The following FAM120B variants were observed in gnomAD, a reference collection of about 807,000 sequenced individuals.
FAM120B encodes constitutive coactivator of peroxisome proliferator-activated receptor gamma.
FAM120B carries 83 observed loss-of-function variants against 96.3 expected under a neutral mutation model. The ratio of observed to expected loss-of-function variants is 0.86; its 90% CI spans 0.72 to 1.03. The LOEUF is 1.03. FAM120B is among the 50% of genes least tolerant of loss of function. FAM120B has a pLI of 0.00. For missense variants in FAM120B, 1,027 were observed against 1,121.2 expected (o/e 0.92, Z 1.20); for synonymous variants, 407 against 402.7 (o/e 1.01, Z -0.13).
intron 8 of FAM120B, among the ~76,000 whole-genome samples, chr6:170,393,273 C>T (rs1038572849): frequency 2.0e-5 from 3 of 152,092 alleles, no homozygotes; most frequent in African/African-American, 7.2e-5. Context: ...CTGGACGCTG[C>T]TGCTTAGGTG....
chr6:170,398,190 T>A (rs1293658173), intron 9 of FAM120B, among the ~76,000 whole-genome samples: 1 of 152,266 alleles, frequency 6.6e-6, no homozygotes, highest in Non-Finnish European at 1.5e-5. Flanking sequence ...CACTGAAACC[T>A]TTCCATCAGG....
At chr6:170,300,172 C>T (rs1171388461) in intron 1 of FAM120B, among the ~76,000 whole-genome samples, 3 of 152,162 alleles carry the variant, frequency 2.0e-5, no homozygotes, top group Non-Finnish European at 4.4e-5. Context: ...AATTGACTCA[C>T]AGGTCAGCAT....
At chr6:170,292,550 T>G (rs1380232115), upstream of FAM120B, among the ~76,000 whole-genome samples, 1 of 152,190 alleles carries the variant, frequency 6.6e-6, no homozygotes, top group Non-Finnish European at 1.5e-5. The surrounding 1 kb of genome is among the most constrained non-coding windows in gnomAD (Gnocchi z 6.6). Context: ...GCTGCCTTAT[T>G]GGTGAGAACA....
At chr6:170,307,940 A>G (rs1322631209) in intron 1 of FAM120B, among the ~76,000 whole-genome samples, 1 of 152,200 alleles carries the variant, frequency 6.6e-6, no homozygotes, top group African/African-American at 2.4e-5. Flanking sequence ...CCATATCTGG[A>G]GCAGCAGGGT....
At chr6:170,301,871 T>G (rs537146450), upstream of FAM120B, among the ~76,000 whole-genome samples, 1 of 152,324 alleles carries the variant, frequency 6.6e-6, no homozygotes, top group Admixed American at 6.5e-5. Context: ...TCTAAGAAGC[T>G]CTAAACTTTC....
intron 8 of FAM120B, among the ~76,000 whole-genome samples, chr6:170,392,410 G>C (rs1018854261): frequency 6.6e-6 from 1 of 152,192 alleles, no homozygotes; most frequent in African/African-American, 2.4e-5. Context: ...GTTTCACCAT[G>C]TTGGCCAGGA....
intron 5 of FAM120B, among the ~76,000 whole-genome samples, chr6:170,351,422 A>G (rs1207365865): frequency 6.6e-6 from 1 of 152,214 alleles, no homozygotes; most frequent in Non-Finnish European, 1.5e-5. Flanking sequence ...ATAGGCCAAC[A>G]TTCCAATTCA....
chr6:170,354,222 C>T (rs1487173328), intron 5 of FAM120B, among the ~76,000 whole-genome samples: 6 of 152,144 alleles, frequency 3.9e-5, no homozygotes, highest in Non-Finnish European at 8.8e-5. Flanking sequence ...GAGCCATATA[C>T]AGAAAATTGA....
chr6:170,318,404 G>A lies in FAM120B; in HGVS notation c.1014G>A (p.Arg338=). 1 of 1,614,106 alleles carries A rather than the reference G, an allele frequency of 6.2e-7. No individual in the cohort carries two copies. The highest frequency in any genetic ancestry group is 8.5e-7 in the Non-Finnish European group (1 of 1,180,036). The change falls in exon 2 of 11, where the codon AGG becomes AGA. Residue 338 remains arginine (R), a synonymous_variant. Transcript: ENST00000476287. Reference sequence around the variant, plus strand: ...CCACGAGTTCAGACGCCGAATCCAGGGAAGAAGTTCCCATGTGTTCAGATG... The same window carrying A: ...CCACGAGTTCAGACGCCGAATCCAGAGAAGAAGTTCCCATGTGTTCAGATG... The part of the protein sequence containing the change: ...VISTSSDAES[R]EEVPMCSDAE...
At position 170,323,271 on chromosome 6, in the gene FAM120B, T is replaced by C. The variant is rs763791572; in HGVS notation, c.1915+12T>C. 1.2e-6 allele frequency: 2 copies of C among 1,607,390 alleles called. No homozygotes were observed. The highest frequency in any genetic ancestry group is 1.3e-5 in the African/African-American group (1 of 74,704). On this transcript the variant is annotated intron_variant, in intron 3 of 10. Transcript: ENST00000476287. ...GGAGGACTGTCAAGGTGAGAATTGG[T>C]TGGTCCCTCTTAGTAAAGGTTCTAT...
chr6:170,328,312 A>C (rs1785742270), intron 3 of FAM120B, among the ~76,000 whole-genome samples: 1 of 152,216 alleles, frequency 6.6e-6, no homozygotes, highest in African/African-American at 2.4e-5. Context: ...CACGCACATT[A>C]GTCTAGGACT....
Position 170,317,361 on chromosome 6 carries a change from T to A in FAM120B, c.-21-9T>A. On this transcript the variant is annotated splice_polypyrimidine_tract_variant and intron_variant, in intron 1 of 10. Coordinates refer to ENST00000476287, the MANE Select transcript of FAM120B (RefSeq NM_032448.3). ...CCATAATTACTGATTAATTTATCTT[T>A]CTTTCCAGATCCTTTCCCGGAGTTC... The A allele has an allele frequency of 6.3e-7, 1 of 1,586,878 alleles. No individual in the cohort carries two copies. Among genetic ancestry groups the A allele is most frequent in the Non-Finnish European group, 8.6e-7 (1 of 1,160,284 alleles).
At chr6:170,398,134 G>A (rs915247553) in intron 9 of FAM120B, among the ~76,000 whole-genome samples, 9 of 152,252 alleles carry the variant, frequency 5.9e-5, no homozygotes, top group African/African-American at 1.4e-4. Flanking sequence ...TGTAAAGAGT[G>A]TGCCATCAGG....
intron 5 of FAM120B, among the ~76,000 whole-genome samples, chr6:170,348,810 C>T (rs1787387040): frequency 6.6e-6 from 1 of 152,124 alleles, no homozygotes; most frequent in African/African-American, 2.4e-5. Context: ...GATTATATGC[C>T]TTCATTTTCT....
intron 7 of FAM120B, among the ~76,000 whole-genome samples, chr6:170,390,248 T>C (rs1054214371): frequency 1.3e-5 from 2 of 152,206 alleles, no homozygotes; most frequent in African/African-American, 4.8e-5. Context: ...CAGAGTGGCA[T>C]AGGACTGCAA....
At chr6:170,368,824 G>GGGGGGGT (rs1788982663) in intron 6 of FAM120B, among the ~76,000 whole-genome samples, 3 of 112,790 alleles carry the variant, frequency 2.7e-5, no homozygotes, top group Admixed American at 1.7e-4. Context: ...CGGGGCTGGG[G>GGGGGGGT]GGGGGGCTCC....
At chr6:170,343,191 G>C (rs1786955140) in intron 4 of FAM120B, among the ~76,000 whole-genome samples, 2 of 152,290 alleles carry the variant, frequency 1.3e-5, no homozygotes, top group Non-Finnish European at 2.9e-5. Flanking sequence ...CTGGAAACCT[G>C]TCAGCTAAGA....
intron 6 of FAM120B, among the ~76,000 whole-genome samples, chr6:170,358,763 G>A (rs965576863): frequency 1.3e-5 from 2 of 152,218 alleles, no homozygotes; most frequent in Non-Finnish European, 2.9e-5. Flanking sequence ...ATATGAGGGA[G>A]AGGGTACACC....
At chr6:170,381,659 A>G (rs1789908600) in intron 6 of FAM120B, among the ~76,000 whole-genome samples, 1 of 152,220 alleles carries the variant, frequency 6.6e-6, no homozygotes, top group Non-Finnish European at 1.5e-5. Context: ...CCAGCAATTA[A>G]TTATACACTA....
Sources: allele counts gnomAD v4.1 joint callset (sites outside exome capture counted in the v4.1 genomes callset), GRCh38; gene constraint gnomAD v4.1.1; non-coding constraint Gnocchi (gnomAD v3.1); transcripts MANE v1.5; gene names NCBI Gene and HGNC (gene_info 2026-07-23, HGNC 2026-07-21).